XIRP2: variants seen among roughly 807,000 people sequenced by gnomAD.
XIRP2 encodes xin actin-binding repeat-containing protein 2.
A neutral mutation model predicts 277.0 loss-of-function variants in XIRP2; 236 were observed. The observed-to-expected ratio is 0.85, with a 90% CI of 0.77 to 0.95. The LOEUF (loss-of-function observed/expected upper bound fraction) is 0.95, where lower values mean the gene tolerates loss of function less well. Among genes scored for constraint, XIRP2 ranks in the 40% least tolerant of loss-of-function variants. XIRP2 has a pLI of 0.00. For synonymous variants in XIRP2, 1,490 were observed against 1,416.5 expected, an observed-to-expected ratio of 1.05 and a Z score of -1.17; for missense variants, 4,640 against 4,157.5, an observed-to-expected ratio of 1.12 and a Z score of -3.19.
At position 167,133,778 on chromosome 2, in the gene XIRP2, TAGC is replaced by T. The variant is rs541811588; in HGVS notation, c.409-2128_409-2126del. ...AAGCAAACATACTGCGTTCATGTCATAGCAGTCACCTTCCAGGACAGTGGAGAG... is the reference window on the plus strand; with the variant it reads ...AAGCAAACATACTGCGTTCATGTCATAGTCACCTTCCAGGACAGTGGAGAG... On this transcript the variant is annotated intron_variant, in intron 2 of 10. Transcript: ENST00000409195. Among the ~76,000 whole-genome samples, 20 of 152,314 alleles carry T rather than the reference TAGC, an allele frequency of 1.3e-4. No individual in the cohort carries two copies. The South Asian group carries it at 4.1e-3, about 32-fold the overall frequency.
At chr2:167,021,313 T>A (rs1687974332) in intron 2 of XIRP2, among the ~76,000 whole-genome samples, 1 of 152,104 alleles carries the variant, frequency 6.6e-6, no homozygotes, top group African/African-American at 2.4e-5. Flanking sequence ...GTCAATAACT[T>A]CTACAAACAA....
Position 166,903,628 on chromosome 2 carries a change from A to C in XIRP2, c.146A>C (p.Glu49Ala), listed in dbSNP as rs767298653. Residue 49 changes from glutamate (E) to alanine (A), a missense_variant, in exon 2 of 11, where the codon GAG becomes GCG. Physicochemically the swap from Glu to Ala is moderately radical, Grantham distance 107. Coordinates refer to ENST00000409195, the MANE Select transcript of XIRP2 (RefSeq NM_152381.6). ...AGCAAATTGCTTGCGCCTGAAGGAG[A>C]GGTAGTATCAGCACCTCAATCTTTG... Reference protein sequence around the residue: ...QESKLLAPEGEVVSAPQSLDP... With the variant: ...QESKLLAPEGAVVSAPQSLDP... 2.8e-5 allele frequency: 45 copies of C among 1,613,422 alleles called. No individual in the cohort carries two copies. Among genetic ancestry groups the C allele is most frequent in the Non-Finnish European group, 3.6e-5 (43 of 1,179,734 alleles).
intron 2 of XIRP2, among the ~76,000 whole-genome samples, chr2:167,027,722 A>G (rs1483557479): frequency 6.6e-6 from 1 of 151,994 alleles, no homozygotes; most frequent in Non-Finnish European, 1.5e-5. Flanking sequence ...TTTTCTTGTA[A>G]CAGACAGGAC....
chr2:167,181,508 G>A (rs1385166922), intron 3 of XIRP2, among the ~76,000 whole-genome samples: 1 of 151,964 alleles, frequency 6.6e-6, no homozygotes, highest in African/African-American at 2.4e-5. Context: ...CTCATTATTA[G>A]TAATTAATGT....
chr2:166,922,995 C>A (rs1685095028), intron 2 of XIRP2, among the ~76,000 whole-genome samples: 1 of 151,470 alleles, frequency 6.6e-6, no homozygotes, highest in Non-Finnish European at 1.5e-5. Flanking sequence ...CAAGGGTATT[C>A]AGCATCTGAG....
chr2:166,995,435 G>C (rs1275331651), intron 2 of XIRP2, among the ~76,000 whole-genome samples: 1 of 152,224 alleles, frequency 6.6e-6, no homozygotes, highest in Non-Finnish European at 1.5e-5. Context: ...GCCAGGATCA[G>C]TTAGGGCTGA....
chr2:167,196,445 T>TGTGC (rs1324334506), intron 3 of XIRP2, among the ~76,000 whole-genome samples: 1 of 151,052 alleles, frequency 6.6e-6, no homozygotes, highest in Non-Finnish European at 1.5e-5. Flanking sequence ...TGTGTGTGTG[T>TGTGC]GTGTGTAGAC....
At chr2:166,926,027 T>C (rs1685180890) in intron 2 of XIRP2, among the ~76,000 whole-genome samples, 1 of 151,984 alleles carries the variant, frequency 6.6e-6, no homozygotes, top group African/African-American at 2.4e-5. Context: ...TAAGCTACAA[T>C]GGTGCTACTG....
At chr2:167,072,978 C>T (rs1022748923) in intron 2 of XIRP2, among the ~76,000 whole-genome samples, 15 of 151,910 alleles carry the variant, frequency 9.9e-5, no homozygotes, top group African/African-American at 3.4e-4. Context: ...AAAAAGAAAA[C>T]GATAAAAGTA....
At chr2:166,996,031 T>C (rs1361887135) in intron 2 of XIRP2, among the ~76,000 whole-genome samples, 1 of 152,206 alleles carries the variant, frequency 6.6e-6, no homozygotes, top group Non-Finnish European at 1.5e-5. Context: ...TTGAATAGCA[T>C]GACCAAGGTA....
At chr2:167,154,414 T>G (rs1284397890) in intron 3 of XIRP2, among the ~76,000 whole-genome samples, 1 of 151,152 alleles carries the variant, frequency 6.6e-6, no homozygotes, top group Non-Finnish European at 1.5e-5. Flanking sequence ...TTAGTTTAAT[T>G]AGATCCCATT....
chr2:167,232,525 C>A (rs1694789351), intron 5 of XIRP2, among the ~76,000 whole-genome samples: 2 of 151,860 alleles, frequency 1.3e-5, no homozygotes, highest in South Asian at 4.1e-4. Context: ...TGGTAAAATT[C>A]ATTGATGTAG....
chr2:167,156,430 A>G (rs543677521), intron 3 of XIRP2, among the ~76,000 whole-genome samples: 106 of 152,288 alleles, frequency 7.0e-4, no homozygotes, highest in African/African-American at 2.5e-3. Flanking sequence ...GCAATTTAAA[A>G]CACAGGTTTA....
chr2:167,218,663 G>A lies in XIRP2; in HGVS notation c.858+363G>A, dbSNP rs112378775. Among the ~76,000 whole-genome samples the A allele has an allele frequency of 1.1e-3, 171 of 152,236 alleles. 1 individual carries two copies. The highest frequency in any genetic ancestry group is 3.9e-3 in the African/African-American group (163 of 41,552). On this transcript the variant is annotated intron_variant, in intron 5 of 10. Transcript: ENST00000409195. ...GGTTATAATTCATAATAAACTAGCT[G>A]CTGGTTATTTGCATAGATTAAGTTG... is the stretch of plus-strand genomic sequence containing the variant.
intron 3 of XIRP2, among the ~76,000 whole-genome samples, chr2:167,164,422 G>A (rs1281527362): frequency 3.5e-5 from 5 of 142,822 alleles, no homozygotes; most frequent in Admixed American, 1.4e-4. Context: ...GTCCAGCCTG[G>A]GCGAAAGAGC....
At chr2:167,011,017 AC>A (rs747457425) in intron 2 of XIRP2, among the ~76,000 whole-genome samples, 6 of 152,156 alleles carry the variant, frequency 3.9e-5, no homozygotes, top group Non-Finnish European at 7.3e-5. Flanking sequence ...TCATCTGCAA[AC>A]AGGGCCAATA....
chr2:167,248,665 C>T lies in XIRP2; in HGVS notation c.7273C>T (p.Pro2425Ser). Residue 2425 changes from proline to serine, a missense_variant, in exon 9 of 11, where the codon CCC (proline) becomes TCC (serine). By Grantham distance (74) the Pro-to-Ser change is moderately conservative. Coordinates refer to ENST00000409195, the MANE Select transcript of XIRP2 (RefSeq NM_152381.6). ...CGGTGTGTTGCCACCTCCCACATTG[C>T]CCAAACCCAAACTTCCCAAGCATAT... ...KTGVLPPPTL[P>S]KPKLPKHIKD... is the part of the protein sequence containing the mutation. 6.2e-7 allele frequency: 1 copy of T among 1,613,696 alleles called. No individual in the cohort carries two copies. Among genetic ancestry groups the T allele is most frequent in the Non-Finnish European group, 8.5e-7 (1 of 1,179,810 alleles).
intron 3 of XIRP2, among the ~76,000 whole-genome samples, chr2:167,138,597 C>T (rs1415475867): frequency 1.3e-5 from 2 of 152,142 alleles, no homozygotes; most frequent in African/African-American, 4.8e-5. Flanking sequence ...TGGAGATACA[C>T]TCTAACAGTT....
chr2:166,927,800 G>C (rs983368091), intron 2 of XIRP2, among the ~76,000 whole-genome samples: 3 of 152,062 alleles, frequency 2.0e-5, no homozygotes, highest in African/African-American at 7.2e-5. Flanking sequence ...TGTGTGTGTG[G>C]GGGGATGGAG....
Sources: allele counts gnomAD v4.1 joint callset (sites outside exome capture counted in the v4.1 genomes callset), GRCh38; gene constraint gnomAD v4.1.1; transcripts MANE v1.5; gene names NCBI Gene and HGNC (gene_info 2026-07-23, HGNC 2026-07-21).